SLC28A1: variants seen among roughly 807,000 people sequenced by gnomAD.
SLC28A1 encodes the protein solute carrier family 28 member 1, also known as sodium/nucleoside cotransporter 1.
In SLC28A1, 64 loss-of-function variants were observed where a neutral mutation model predicts 74.8. That is an observed-to-expected ratio of 0.86 (90% CI 0.70 to 1.05). The LOEUF (loss-of-function observed/expected upper bound fraction) is 1.05, where lower values mean the gene tolerates loss of function less well. Among genes scored for constraint, SLC28A1 ranks in the 50% least tolerant of loss-of-function variants. The pLI, the probability that SLC28A1 is intolerant of heterozygous loss-of-function variation, is 0.00. For missense variants in SLC28A1, 828 were observed against 822.8 expected (o/e 1.01, Z -0.08); for synonymous variants, 359 against 335.0 (o/e 1.07, Z -0.78).
At chr15:84,951,018 C>G in the SLC28A1 span, among the ~76,000 whole-genome samples, 1 of 152,168 alleles carries the variant, frequency 6.6e-6, no homozygotes, top group African/African-American at 2.4e-5. Flanking sequence ...TGACCCCTGC[C>G]TTAGATAAAT....
At chr15:84,962,150 C>A in the SLC28A1 span, among the ~76,000 whole-genome samples, 1 of 152,166 alleles carries the variant, frequency 6.6e-6, no homozygotes, top group African/African-American at 2.4e-5. Flanking sequence ...TCATAGCTCA[C>A]TGAAGCCTCC....
At chr15:84,946,360 G>A (rs1003517695), downstream of SLC28A1, among the ~76,000 whole-genome samples, 3 of 151,996 alleles carry the variant, frequency 2.0e-5, no homozygotes, top group African/African-American at 7.2e-5. Context: ...CAACTGTAAT[G>A]TTAGCAAATG....
intron 1 of SLC28A1, among the ~76,000 whole-genome samples, chr15:84,885,349 T>C (rs1964469344): frequency 1.3e-5 from 2 of 151,542 alleles, no homozygotes; most frequent in African/African-American, 4.9e-5. Flanking sequence ...GGAACTCTGC[T>C]AGAAAAATCA....
downstream of SLC28A1, among the ~76,000 whole-genome samples, chr15:84,946,120 T>A (rs1401859553): frequency 1.6e-3 from 98 of 62,828 alleles, no homozygotes; most frequent in African/African-American, 4.6e-3. Flanking sequence ...ATATTTTTTT[T>A]TTTTTTTTTT....
chr15:84,946,466 C>T (rs937246347), downstream of SLC28A1, among the ~76,000 whole-genome samples: 1 of 151,896 alleles, frequency 6.6e-6, no homozygotes, highest in African/African-American at 2.4e-5. Context: ...TTATTATTGT[C>T]ACTAGTTGAG....
the SLC28A1 span, among the ~76,000 whole-genome samples, chr15:84,968,617 A>G: frequency 2.6e-5 from 4 of 152,220 alleles, no homozygotes; most frequent in East Asian, 1.9e-4. Flanking sequence ...ATGAGCCAAC[A>G]CTTTCTAACA....
In SLC28A1 at chr15:84,888,760, T is replaced by G; in HGVS notation, c.97-12T>G. 1 of 1,549,612 alleles carries G rather than the reference T, an allele frequency of 6.5e-7. No homozygotes were observed. The highest frequency in any genetic ancestry group is 2.0e-5 in the Admixed American group (1 of 51,086). On this transcript the variant is annotated splice_polypyrimidine_tract_variant and intron_variant, in intron 3 of 18. Coordinates refer to ENST00000394573, the MANE Select transcript of SLC28A1 (RefSeq NM_004213.5). ...GGGGCAGGCCGACCTGACGGCTCCC[T>G]GCGGGCTGTAGGAGGAAGGCCAGCT...
intron 8 of SLC28A1, 125 bp from the exon 9 acceptor site, chr15:84,908,572 ACCTTGCCAGGTGGTGCCCCCC>A: frequency 1.4e-6 from 1 of 709,854 alleles, no homozygotes; most frequent in South Asian, 1.5e-5. Flanking sequence ...GCTTTAACGC[ACCTTGCCAGGTGGTGCCCCCC>A]CCCGGATAAG....
At chr15:84,926,362 C>A (rs1970511781) in intron 12 of SLC28A1, among the ~76,000 whole-genome samples, 1 of 111,084 alleles carries the variant, frequency 9.0e-6, no homozygotes, top group African/African-American at 3.9e-5. Context: ...CCACCCCTGG[C>A]TATTTTTTTT....
the SLC28A1 span, among the ~76,000 whole-genome samples, chr15:84,971,837 CG>C: frequency 2.0e-5 from 3 of 152,100 alleles, no homozygotes; most frequent in Admixed American, 2.0e-4. Flanking sequence ...TTTATAGAGA[CG>C]GGGTTTCATC....
At chr15:84,975,562 T>C in the SLC28A1 span, 1 of 456,172 alleles carries the variant, frequency 2.2e-6, no homozygotes, top group Non-Finnish European at 4.4e-6. Flanking sequence ...CGTGCTTCAT[T>C]GTTAAGTATC....
downstream of SLC28A1, among the ~76,000 whole-genome samples, chr15:84,949,509 C>T (rs144251905): frequency 5.9e-5 from 9 of 152,140 alleles, no homozygotes; most frequent in African/African-American, 1.9e-4. Flanking sequence ...CCTCAGCCTC[C>T]CACCTCAGCC....
downstream of SLC28A1, among the ~76,000 whole-genome samples, chr15:84,949,890 A>G (rs555044983): frequency 7.6e-3 from 1,136 of 150,076 alleles, 16 homozygotes; most frequent in African/African-American, 0.027. Context: ...GGAAGGACTT[A>G]TCTACAGGGG....
In SLC28A1 at chr15:84,931,593, A is replaced by T. The variant is rs191534064; in HGVS notation, c.1084-1552A>T. Among the ~76,000 whole-genome samples, 40 of 129,606 alleles carry T rather than the reference A, an allele frequency of 3.1e-4. 1 individual carries two copies. The Admixed American group carries it at 3.5e-3, about 11-fold the overall frequency. The allele number at this position is 129,606 out of a possible 152,430, so 85.0% of individuals were successfully genotyped here. A position where few individuals can be genotyped will look rare whatever the true frequency, so the allele number is the denominator to read the frequency against. ...TGTGAACCTGGGAGGTAGAGTTTGC[A>T]GTGAGCCAAGATGGCGCCACTACAC... On this transcript the variant is annotated intron_variant, in intron 12 of 18. Coordinates refer to ENST00000394573, the MANE Select transcript of SLC28A1 (RefSeq NM_004213.5).
the SLC28A1 span, among the ~76,000 whole-genome samples, chr15:84,963,535 G>A: frequency 2.0e-5 from 3 of 152,198 alleles, no homozygotes; most frequent in Non-Finnish European, 2.9e-5. Flanking sequence ...CTTTCACAAA[G>A]TGGCCCATCA....
the SLC28A1 span, among the ~76,000 whole-genome samples, chr15:84,975,068 G>A: frequency 6.6e-6 from 1 of 152,160 alleles, no homozygotes; most frequent in Non-Finnish European, 1.5e-5. Flanking sequence ...GTAGATAGAG[G>A]AAGAACCAGA....
Position 84,907,861 on chromosome 15 carries a change from G to A in SLC28A1, c.718-857G>A, listed in dbSNP as rs1967475594. On this transcript the variant is annotated intron_variant, in intron 8 of 18. Coordinates refer to ENST00000394573, the MANE Select transcript of SLC28A1 (RefSeq NM_004213.5). ...ACTGACAGTAACTGTACAGGGTGTG[G>A]AGGAAAAGACAGAGAGTTTCTTTTC... Among the ~76,000 whole-genome samples, 3 of 152,172 alleles carry A rather than the reference G, an allele frequency of 2.0e-5. 1 individual carries two copies. The South Asian group carries it at 6.2e-4, about 32-fold the overall frequency.
At chr15:84,944,130 C>T (rs910382043) in intron 16 of SLC28A1, among the ~76,000 whole-genome samples, 19 of 152,156 alleles carry the variant, frequency 1.2e-4, no homozygotes, top group African/African-American at 4.6e-4. Flanking sequence ...GGCCTAAGGT[C>T]GAAGGGTCTG....
chr15:84,894,109 C>T (rs3899704), intron 5 of SLC28A1, among the ~76,000 whole-genome samples: 58,552 of 151,946 alleles, frequency 0.39, 11,609 homozygotes, highest in Middle Eastern at 0.45. Flanking sequence ...CGGTGGCTTA[C>T]GCTTGTAATC....
Sources: gnomAD v4.1 joint callset for allele counts (sites outside exome capture counted in the v4.1 genomes callset) on GRCh38, gnomAD v4.1.1 for gene constraint, MANE v1.5 for transcripts, NCBI Gene and HGNC (gene_info 2026-07-23, HGNC 2026-07-21) for gene names.